NAV3: variants seen among roughly 807,000 people sequenced by gnomAD.
NAV3 encodes neuron navigator 3.
NAV3 carries 87 observed loss-of-function variants against 244.7 expected under a neutral mutation model. The ratio of observed to expected loss-of-function variants is 0.36; its 90% confidence interval spans 0.30 to 0.42. The LOEUF is 0.42. Among genes scored for constraint, NAV3 ranks in the 20% least tolerant of loss-of-function variants. The pLI, the probability that NAV3 is intolerant of heterozygous loss-of-function variation, is 1.00. For missense variants in NAV3, 2,663 were observed against 2,893.3 expected, an observed-to-expected ratio of 0.92 and a Z score of 1.83; for synonymous variants, 1,126 against 1,042.2, an observed-to-expected ratio of 1.08 and a Z score of -1.55.
In NAV3 at chr12:78,146,371, T is replaced by G. The variant is rs1346068116; in HGVS notation, c.4686T>G (p.Ala1562=). The change falls in exon 21 of 40, where the codon GCT becomes GCG. Residue 1562 remains alanine (A), a splice_region_variant and synonymous_variant. Coordinates refer to ENST00000397909, the MANE Select transcript of NAV3 (RefSeq NM_001024383.2). ...VSSTSSLYST[A]EEKAHSEQIH... ...TCTTTCTTTTTATTGTTTTACAGGCTGAAGAAAAGGCTCATTCAGAGGTAA... is the reference window on the plus strand; with the variant it reads ...TCTTTCTTTTTATTGTTTTACAGGCGGAAGAAAAGGCTCATTCAGAGGTAA... The G allele has an allele frequency of 1.8e-6, 2 of 1,101,374 alleles. No individual in the cohort carries two copies. The highest frequency in any genetic ancestry group is 2.5e-6 in the Non-Finnish European group (2 of 794,678). 68.2% of individuals were successfully genotyped at this position (1,101,374 alleles called of 1,614,324 possible).
Position 78,195,583 on chromosome 12 carries a change from A to C in NAV3, c.6292-1664A>C, listed in dbSNP as rs17044993. ...GTTTTATCTCTAAATCCCTGGTGCC[A>C]GCAGGATGTGCCAGTTGGAATTAAT... On this transcript the variant is annotated intron_variant, in intron 34 of 39. Coordinates refer to ENST00000397909, the MANE Select transcript of NAV3 (RefSeq NM_001024383.2). Among the ~76,000 whole-genome samples the C allele has an allele frequency of 8.0e-3, 1,214 of 152,144 alleles. 17 individuals carry two copies. The highest frequency in any genetic ancestry group is 0.028 in the African/African-American group (1,170 of 41,542).
In NAV3 at chr12:78,118,306, G is replaced by C. The variant is rs1339682687; in HGVS notation, c.3040+9G>C. 6.3e-7 allele frequency: 1 copy of C among 1,580,580 alleles called. No individual in the cohort carries two copies. Among genetic ancestry groups the C allele is most frequent in the Non-Finnish European group, 8.6e-7 (1 of 1,160,612 alleles). ...TGCACTCAAAACACCCGGTAGGCTT[G>C]TCGTTTGCCAGCTGTTATGCAAAAG... On this transcript the variant is annotated intron_variant, in intron 14 of 39. Transcript: ENST00000397909.
At chr12:77,803,638 T>C (rs1380971028) in intron 2 of NAV3, among the ~76,000 whole-genome samples, 1 of 152,214 alleles carries the variant, frequency 6.6e-6, no homozygotes, top group Non-Finnish European at 1.5e-5. Context: ...TTTGGGTATA[T>C]GCCCAGTAAT....
In NAV3 at chr12:77,698,071, A is replaced by G. The variant is rs186137567; in HGVS notation, c.72+125805A>G. On this transcript the variant is annotated intron_variant, in intron 2 of 8. Coordinates refer to the NAV3 transcript ENST00000550042. ...AGGGATGACAAAATAAACTGTCATC[A>G]GATTGAGAATGATCCAGAATGTGGT... Among the ~76,000 whole-genome samples the G allele has an allele frequency of 2.6e-5, 4 of 152,282 alleles. No homozygotes were observed. The East Asian group carries it at 7.7e-4, about 29-fold the overall frequency.
chr12:77,905,462 A>G (rs1885868737), intron 1 of NAV3, among the ~76,000 whole-genome samples: 1 of 152,114 alleles, frequency 6.6e-6, no homozygotes, highest in South Asian at 2.1e-4. Context: ...AGTGACCCTC[A>G]CTTATAGGAC....
intron 2 of NAV3, among the ~76,000 whole-genome samples, chr12:77,771,312 G>T (rs1336730774): frequency 6.6e-6 from 1 of 152,188 alleles, no homozygotes; most frequent in Non-Finnish European, 1.5e-5. Context: ...TTACACTGTT[G>T]GTGGGACTAT....
At chr12:78,106,236 T>C (rs750929075) in intron 12 of NAV3, among the ~76,000 whole-genome samples, 17 of 152,112 alleles carry the variant, frequency 1.1e-4, no homozygotes, top group Non-Finnish European at 2.5e-4. Context: ...GATCATAGCA[T>C]ACAAAGCCAA....
At chr12:78,018,878 G>A (rs1876675961) in intron 8 of NAV3, among the ~76,000 whole-genome samples, 3 of 152,124 alleles carry the variant, frequency 2.0e-5, no homozygotes, top group Admixed American at 6.6e-5. Flanking sequence ...AGAGGTCAGC[G>A]AGGGGTAGAG....
chr12:77,893,800 G>T (rs573259668), intron 1 of NAV3, among the ~76,000 whole-genome samples: 1 of 152,166 alleles, frequency 6.6e-6, no homozygotes, highest in Non-Finnish European at 1.5e-5. Flanking sequence ...AGGAAGGCAA[G>T]AGCCAGAGAA....
At chr12:77,908,704 A>AT (rs1281006817) in intron 1 of NAV3, among the ~76,000 whole-genome samples, 2 of 151,912 alleles carry the variant, frequency 1.3e-5, no homozygotes, top group Admixed American at 1.3e-4. Context: ...TAATGAGTAG[A>AT]TTTTTTTCAC....
At chr12:78,025,367 G>A (rs576875086) in intron 9 of NAV3, among the ~76,000 whole-genome samples, 2 of 152,096 alleles carry the variant, frequency 1.3e-5, no homozygotes, top group East Asian at 3.9e-4. Flanking sequence ...GGAGGCCGAG[G>A]GGGTCAGGTA....
chr12:77,704,255 G>A (rs925496644), intron 2 of NAV3, among the ~76,000 whole-genome samples: 4 of 152,140 alleles, frequency 2.6e-5, no homozygotes, highest in African/African-American at 9.7e-5. Flanking sequence ...ATATGCTTTT[G>A]TCTGTGTATG....
At chr12:78,041,689 G>T (rs939658203) in intron 9 of NAV3, among the ~76,000 whole-genome samples, 4 of 152,258 alleles carry the variant, frequency 2.6e-5, no homozygotes, top group Non-Finnish European at 5.9e-5. Context: ...ACAGATGAAT[G>T]CTATGGCCAA....
At chr12:77,962,609 GC>G (rs1892127339) in intron 3 of NAV3, among the ~76,000 whole-genome samples, 1 of 151,934 alleles carries the variant, frequency 6.6e-6, no homozygotes, top group Non-Finnish European at 1.5e-5. Context: ...CCTTGAATAT[GC>G]CCCGTACTGC....
At chr12:77,575,827 G>T (rs1195783741) in intron 2 of NAV3, among the ~76,000 whole-genome samples, 1 of 152,098 alleles carries the variant, frequency 6.6e-6, no homozygotes, top group African/African-American at 2.4e-5. Context: ...ATTTTACTAG[G>T]TAGTGATAAA....
intron 3 of NAV3, among the ~76,000 whole-genome samples, chr12:77,961,178 CAT>C (rs1207954890): frequency 4.2e-5 from 6 of 143,796 alleles, no homozygotes; most frequent in Admixed American, 7.1e-5. Context: ...ATGCATAAGA[CAT>C]ATTTGCAATA....
chr12:78,050,640 C>A, intron 10 of NAV3, 124 bp from the exon 11 acceptor site: 1 of 998,690 alleles, frequency 1.0e-6, no homozygotes, highest in Non-Finnish European at 1.5e-6. Context: ...TAGAGTTTAG[C>A]TTTCGGGAAG....
intron 2 of NAV3, among the ~76,000 whole-genome samples, chr12:77,747,909 G>C (rs1391707511): frequency 1.3e-5 from 2 of 152,158 alleles, no homozygotes; most frequent in African/African-American, 2.4e-5. Context: ...GGGAGGGATA[G>C]CGTTAGGAGA....
chr12:78,177,713 T>C, intron 28 of NAV3, 28 bp downstream of exon 28: 1 of 1,588,100 alleles, frequency 6.3e-7, no homozygotes, highest in African/African-American at 1.3e-5. Context: ...GCATGAATAC[T>C]GCAAAGATCC....
Sources: gnomAD v4.1 joint callset for allele counts (sites outside exome capture counted in the v4.1 genomes callset) on GRCh38, gnomAD v4.1.1 for gene constraint, MANE v1.5 for transcripts, NCBI Gene and HGNC (gene_info 2026-07-23, HGNC 2026-07-21) for gene names.